The following RGS6 variants were observed in gnomAD, a reference collection of about 807,000 sequenced individuals.
RGS6 encodes regulator of G-protein signaling 6.
Under a neutral mutation model 78.5 loss-of-function variants are expected in RGS6, and 30 were observed. The observed-to-expected ratio is 0.38, with a 90% CI of 0.29 to 0.52. The LOEUF is 0.52. Ranked by LOEUF, RGS6 falls within the 20% of genes least tolerant of loss-of-function variation. The probability of loss-of-function intolerance (pLI) is 0.85; values close to 1 mark genes in which losing one functional copy is unlikely to be tolerated. For missense variants in RGS6, 495 were observed against 609.7 expected (o/e 0.81, Z 1.98); for synonymous variants, 206 against 206.0 (o/e 1.00, Z 0.00).
At chr14:72,314,280 T>C (rs541649917) in intron 2 of RGS6, among the ~76,000 whole-genome samples, 1 of 152,298 alleles carries the variant, frequency 6.6e-6, no homozygotes, top group East Asian at 1.9e-4. Context: ...CTGGCTCCTG[T>C]CTGCTGCTCT....
At chr14:72,220,595 G>A (rs1027991152) in intron 2 of RGS6, among the ~76,000 whole-genome samples, 9 of 152,148 alleles carry the variant, frequency 5.9e-5, no homozygotes, top group Non-Finnish European at 8.8e-5. Flanking sequence ...AACTCAAGTG[G>A]CTGCTTCCGT....
At chr14:72,164,189 T>C (rs1001307306) in intron 2 of RGS6, among the ~76,000 whole-genome samples, 1 of 152,132 alleles carries the variant, frequency 6.6e-6, no homozygotes, top group Non-Finnish European at 1.5e-5. Context: ...TTGTTTTCTT[T>C]TATGCAAAGG....
the RGS6 span, among the ~76,000 whole-genome samples, chr14:71,871,504 T>C: frequency 6.6e-6 from 1 of 152,162 alleles, no homozygotes. Context: ...TTGATCTGAT[T>C]TTTTTCCCTC....
chr14:72,291,506 T>G (rs2063568851), intron 2 of RGS6, among the ~76,000 whole-genome samples: 1 of 152,224 alleles, frequency 6.6e-6, no homozygotes, highest in African/African-American at 2.4e-5. Context: ...CCTGCTGAAT[T>G]TAAACTCTTC....
chr14:71,984,035 G>A (rs2094576246), intron 2 of RGS6, among the ~76,000 whole-genome samples: 3 of 152,170 alleles, frequency 2.0e-5, no homozygotes, highest in Admixed American at 2.0e-4. Context: ...GGGAGACCAA[G>A]AGTGATGCAG....
rs560857607 is a variant in RGS6 at position 72,068,414 on chromosome 14, C to T, written c.84+103539C>T. 2.0e-5 allele frequency among the ~76,000 whole-genome samples: 3 copies of T among 151,770 alleles called. No homozygotes were observed. In the South Asian group the frequency reaches 6.3e-4, roughly 32 times the overall value. On this transcript the variant is annotated intron_variant, in intron 2 of 17. Transcript: ENST00000553525. ...CCCCCCAAAGTGCTGAGATTACAGG[C>T]GTGAGCCACTGCATCTGGCCGAATA...
intron 8 of RGS6, among the ~76,000 whole-genome samples, chr14:72,472,262 C>T (rs555053753): frequency 2.5e-4 from 38 of 152,118 alleles, no homozygotes; most frequent in African/African-American, 8.9e-4. Flanking sequence ...CTGCAATTTC[C>T]CTCTTGCAAT....
At chr14:71,939,798 T>A (rs532370888) in intron 1 of RGS6, among the ~76,000 whole-genome samples, 3 of 152,254 alleles carry the variant, frequency 2.0e-5, no homozygotes, top group Non-Finnish European at 4.4e-5. Flanking sequence ...GTGGTGGGAA[T>A]CACCATCCCT....
At chr14:72,477,617 A>G (rs1224450672) in intron 11 of RGS6, among the ~76,000 whole-genome samples, 1 of 151,998 alleles carries the variant, frequency 6.6e-6, no homozygotes, top group Non-Finnish European at 1.5e-5. Flanking sequence ...CAATATGATG[A>G]AACCCCATCT....
intron 17 of RGS6, among the ~76,000 whole-genome samples, chr14:72,559,740 G>A (rs575078059): frequency 3.7e-4 from 56 of 152,284 alleles, no homozygotes; most frequent in South Asian, 2.1e-4. Flanking sequence ...AGCGAGGAGC[G>A]GGCAGTGACA....
rs1232631614 is a variant in RGS6, at chr14:72,541,197, T to C, written c.1422+1103T>C. ...TGACTTGCCTTTGTTCCACCTCTGT[T>C]GAGGAGGAAAATCCTTGTAAAACCT... On this transcript the variant is annotated intron_variant, in intron 17 of 17. Transcript: ENST00000553525. The C allele has an allele frequency of 2.1e-6, 3 of 1,397,404 alleles. No homozygotes were observed. The African/African-American group carries it at 4.3e-5, about 20-fold the overall frequency. The allele number at this position is 1,397,404 out of a possible 1,614,324, so 86.6% of individuals were successfully genotyped here. A position where few individuals can be genotyped will look rare whatever the true frequency, so the allele number is the denominator to read the frequency against.
chr14:72,548,342 T>TGTGTGTGTGTGTGTGTGTGTGTGTGC (rs796698263), intron 17 of RGS6, among the ~76,000 whole-genome samples: 1 of 134,744 alleles, frequency 7.4e-6, no homozygotes, highest in African/African-American at 3.2e-5. Context: ...TGTGTGTGTG[T>TGTGTGTGTGTGTGTGTGTGTGTGTGC]GCGCGCGTGT....
Position 72,518,457 on chromosome 14 carries a change from A to T in RGS6, c.1198A>T (p.Ile400Phe). 6.2e-7 allele frequency: 1 copy of T among 1,614,224 alleles called. No homozygotes were observed. The change falls in exon 15 of 18, where the codon ATC becomes TTC. Residue 400 changes from isoleucine to phenylalanine, a missense_variant. Ile to Phe is a conservative substitution (Grantham distance 21, BLOSUM62 0). Coordinates refer to ENST00000553525, the MANE Select transcript of RGS6 (RefSeq NM_001204424.2). ...TCTGGCTCCAGGGGCTCCAAGTGCA[A>T]TCAACCTGGATTCTCACAGCTATGA... The part of the protein sequence containing the change: ...EFLAPGAPSA[I>F]NLDSHSYEIT...
At chr14:72,143,728 T>G (rs1375883345) in intron 2 of RGS6, among the ~76,000 whole-genome samples, 1 of 152,206 alleles carries the variant, frequency 6.6e-6, no homozygotes, top group African/African-American at 2.4e-5. Context: ...AGGTTGAATA[T>G]CCAACATTTT....
At chr14:72,332,215 T>TC (rs1299721153) in intron 2 of RGS6, among the ~76,000 whole-genome samples, 2 of 152,098 alleles carry the variant, frequency 1.3e-5, no homozygotes, top group Non-Finnish European at 2.9e-5. Flanking sequence ...TGAACTAAGC[T>TC]CCTCCCAGCT....
At chr14:71,985,008 CAT>C (rs1392105001) in intron 2 of RGS6, among the ~76,000 whole-genome samples, 2 of 152,182 alleles carry the variant, frequency 1.3e-5, no homozygotes, top group Admixed American at 1.3e-4. Flanking sequence ...CAGTAGTATA[CAT>C]AACACATTAA....
the RGS6 span, among the ~76,000 whole-genome samples, chr14:71,903,348 G>A: frequency 6.6e-6 from 1 of 152,204 alleles, no homozygotes; most frequent in Admixed American, 6.5e-5. Flanking sequence ...CACATGGTAA[G>A]TGTTTGATAA....
intron 2 of RGS6, among the ~76,000 whole-genome samples, chr14:72,241,877 T>C (rs1276917441): frequency 6.6e-6 from 1 of 152,274 alleles, no homozygotes; most frequent in Non-Finnish European, 1.5e-5. Flanking sequence ...CCACGGTGTC[T>C]GTCTTACTGC....
chr14:72,059,968 C>CTGGAGTGTGCGT, intron 2 of RGS6, among the ~76,000 whole-genome samples: 1 of 152,298 alleles, frequency 6.6e-6, no homozygotes, highest in Admixed American at 6.5e-5. Flanking sequence ...GAGACCTCTG[C>CTGGAGTGTGCGT]TGGAGTGTGC....
Sources: allele counts gnomAD v4.1 joint callset (sites outside exome capture counted in the v4.1 genomes callset), GRCh38; gene constraint gnomAD v4.1.1; transcripts MANE v1.5; gene names NCBI Gene and HGNC (gene_info 2026-07-23, HGNC 2026-07-21).